FNIP1: variants seen among roughly 807,000 people sequenced by gnomAD.
FNIP1 encodes the protein folliculin interacting protein 1.
In FNIP1, 40 loss-of-function variants were observed where a neutral mutation model predicts 124.5. The ratio of observed to expected loss-of-function variants is 0.32; its 90% CI spans 0.25 to 0.42. The LOEUF is 0.42. FNIP1 is among the 10% of genes least tolerant of loss of function. The pLI, the probability that FNIP1 is intolerant of heterozygous loss-of-function variation, is 1.00. For missense variants in FNIP1, 1,176 were observed against 1,403.7 expected, an observed-to-expected ratio of 0.84 and a Z score of 2.59; for synonymous variants, 472 against 470.6, an observed-to-expected ratio of 1.00 and a Z score of -0.04.
intron 14 of FNIP1, 58 bp from the exon 15 acceptor site, chr5:131,670,689 A>T: frequency 3.0e-6 from 1 of 332,844 alleles, no homozygotes; most frequent in Non-Finnish European, 4.5e-6. Context: ...TTTAACCAGT[A>T]AAAAAAAAAA....
intron 13 of FNIP1, among the ~76,000 whole-genome samples, chr5:131,675,496 T>C (rs187239971): frequency 6.6e-5 from 10 of 152,228 alleles, no homozygotes; most frequent in Non-Finnish European, 1.5e-4. Context: ...TACTAATAAT[T>C]TGATTTTAAA....
At chr5:131,776,937 T>A (rs529584927) in intron 1 of FNIP1, among the ~76,000 whole-genome samples, 1 of 152,160 alleles carries the variant, frequency 6.6e-6, no homozygotes, top group South Asian at 2.1e-4. Context: ...TATACTTCAA[T>A]AAATTGTACT....
intron 15 of FNIP1, among the ~76,000 whole-genome samples, chr5:131,655,845 G>A (rs988115393): frequency 6.6e-6 from 1 of 151,994 alleles, no homozygotes; most frequent in African/African-American, 2.4e-5. Context: ...GTGAACCCGG[G>A]AGGTGGAGCT....
chr5:131,693,423 C>T (rs568200609), intron 11 of FNIP1, among the ~76,000 whole-genome samples: 23 of 146,376 alleles, frequency 1.6e-4, no homozygotes. Context: ...CAAACAGATT[C>T]ACACAACTAG....
intron 8 of FNIP1, among the ~76,000 whole-genome samples, chr5:131,708,631 CA>C (rs531835817): frequency 6.6e-6 from 1 of 152,144 alleles, no homozygotes; most frequent in Non-Finnish European, 1.5e-5. Flanking sequence ...ATGCATCACA[CA>C]ATGACCTATG....
At chr5:131,784,938 G>T (rs1161572174) in intron 1 of FNIP1, among the ~76,000 whole-genome samples, 6 of 146,804 alleles carry the variant, frequency 4.1e-5, no homozygotes, top group Admixed American at 2.0e-4. Flanking sequence ...GGCACGGTGG[G>T]ACAGGGAACT....
chr5:131,778,073 G>C (rs2149582048), intron 1 of FNIP1, among the ~76,000 whole-genome samples: 1 of 152,172 alleles, frequency 6.6e-6, no homozygotes, highest in East Asian at 1.9e-4. Context: ...GTGCTTTCTG[G>C]TACTTTCTGT....
intron 1 of FNIP1, among the ~76,000 whole-genome samples, chr5:131,792,310 GC>G (rs1772434332): frequency 6.6e-6 from 1 of 151,912 alleles, no homozygotes; most frequent in Admixed American, 6.6e-5. Flanking sequence ...ACAGGCGCCC[GC>G]CACCACACCC....
At position 131,644,253 on chromosome 5, in the gene FNIP1, C is replaced by T. The variant is rs1160429546; in HGVS notation, c.*432G>A. The T allele has an allele frequency of 6.6e-6, 1 of 152,514 alleles. No homozygotes were observed. The highest frequency in any genetic ancestry group is 1.5e-5 in the Non-Finnish European group (1 of 68,276). 9.4% of individuals were successfully genotyped at this position (152,514 alleles called of 1,614,324 possible). ...TTGAATTGCAAAACTAACAAATAATCAAGGTTTTATAGATCTCTGTACCTT... is the reference window on the plus strand; with the variant it reads ...TTGAATTGCAAAACTAACAAATAATTAAGGTTTTATAGATCTCTGTACCTT... On this transcript the variant is annotated 3_prime_UTR_variant, in exon 18 of 18. Transcript: ENST00000510461.
At chr5:131,690,355 C>T (rs528482069) in intron 11 of FNIP1, among the ~76,000 whole-genome samples, 38 of 152,176 alleles carry the variant, frequency 2.5e-4, no homozygotes, top group Non-Finnish European at 4.7e-4. Context: ...CTACCCAAAT[C>T]TCATCTTGAA....
chr5:131,703,830 ACCACATTTTAGTC>A (rs1306951315), intron 10 of FNIP1, among the ~76,000 whole-genome samples: 2 of 152,162 alleles, frequency 1.3e-5, no homozygotes, highest in Non-Finnish European at 2.9e-5. Context: ...AACGGTGTCT[ACCACATTTTAGTC>A]CCTCAAATAT....
At chr5:131,784,383 T>G (rs1772092566) in intron 1 of FNIP1, among the ~76,000 whole-genome samples, 1 of 152,222 alleles carries the variant, frequency 6.6e-6, no homozygotes, top group Non-Finnish European at 1.5e-5. Flanking sequence ...ATATAGTTAA[T>G]TTTGATCATT....
intron 16 of FNIP1, among the ~76,000 whole-genome samples, chr5:131,649,121 A>G (rs899330155): frequency 3.3e-5 from 5 of 152,228 alleles, no homozygotes; most frequent in Non-Finnish European, 5.9e-5. Context: ...TCTATGAACA[A>G]GAGTATATAC....
intron 1 of FNIP1, among the ~76,000 whole-genome samples, chr5:131,793,628 C>T (rs1337782521): frequency 6.6e-6 from 1 of 152,094 alleles, no homozygotes; most frequent in Non-Finnish European, 1.5e-5. Context: ...ATTTCCTGGC[C>T]ATCTCTTCCA....
At chr5:131,772,000 G>A (rs138667586) in intron 1 of FNIP1, among the ~76,000 whole-genome samples, 131 of 152,190 alleles carry the variant, frequency 8.6e-4, no homozygotes, top group African/African-American at 3.1e-3. Context: ...ATATATTAGG[G>A]TTTGTAGCCC....
At chr5:131,752,601 T>C (rs570833591) in intron 1 of FNIP1, among the ~76,000 whole-genome samples, 1 of 145,776 alleles carries the variant, frequency 6.9e-6, no homozygotes, top group Admixed American at 6.8e-5. Flanking sequence ...ACATATCTGA[T>C]AAAAACTTAT....
Position 131,655,175 on chromosome 5 carries a change from G to A in FNIP1, c.3109-3176C>T, listed in dbSNP as rs554034468. ...ACAAAACCGTGTAGCCTAGAAATAC[G>A]GAAAATAAGAAAAGTTAGGCATGTC... On this transcript the variant is annotated intron_variant, in intron 15 of 17. Transcript: ENST00000510461. Among the ~76,000 whole-genome samples, 58 of 152,144 alleles carry A rather than the reference G, an allele frequency of 3.8e-4. 1 individual carries two copies. The highest frequency in any genetic ancestry group is 3.4e-3 in the Middle Eastern group (1 of 294).
intron 2 of FNIP1, among the ~76,000 whole-genome samples, chr5:131,731,611 C>T (rs1770095267): frequency 6.6e-6 from 1 of 150,962 alleles, no homozygotes; most frequent in Non-Finnish European, 1.5e-5. Context: ...CACTGCACTC[C>T]AGCCTGGGTG....
intron 10 of FNIP1, 72 bp downstream of exon 10, chr5:131,703,989 AAATT>A: frequency 7.8e-7 from 1 of 1,282,534 alleles, no homozygotes; most frequent in South Asian, 1.5e-5. Flanking sequence ...TTTTTCTGCC[AAATT>A]AATAAATATA....
Sources: gnomAD v4.1 joint callset for allele counts (sites outside exome capture counted in the v4.1 genomes callset) on GRCh38, gnomAD v4.1.1 for gene constraint, MANE v1.5 for transcripts, NCBI Gene and HGNC (gene_info 2026-07-23, HGNC 2026-07-21) for gene names.